Variants in APBA2 observed in about 807,000 individuals in gnomAD.
APBA2 encodes amyloid beta precursor protein binding family A member 2, also known as amyloid-beta A4 precursor protein-binding family A member 2.
A neutral mutation model predicts 75.0 loss-of-function variants in APBA2; 30 were observed. The ratio of observed to expected loss-of-function variants is 0.40; its 90% CI spans 0.30 to 0.54. The LOEUF (loss-of-function observed/expected upper bound fraction) is 0.54. Among genes scored for constraint, APBA2 ranks in the 20% least tolerant of loss-of-function variants. The probability of loss-of-function intolerance (pLI) is 0.49; values close to 1 mark genes in which losing one functional copy is unlikely to be tolerated. For missense variants in APBA2, 801 were observed against 1,016.1 expected, an observed-to-expected ratio of 0.79 and a Z score of 2.88; for synonymous variants, 444 against 409.6, an observed-to-expected ratio of 1.08 and a Z score of -1.01.
At chr15:29,071,171 C>A in intron 4 of APBA2, 1 of 400,450 alleles carries the variant, frequency 2.5e-6, no homozygotes, top group Non-Finnish European at 5.0e-6. Context: ...TCAGTTTCAT[C>A]AAGCAGGCAA....
intron 2 of APBA2, among the ~76,000 whole-genome samples, chr15:28,957,804 A>C (rs930978799): frequency 6.6e-6 from 1 of 152,166 alleles, no homozygotes. Context: ...GCACCTGCAC[A>C]TCAGGCCTCC....
intron 4 of APBA2, among the ~76,000 whole-genome samples, chr15:29,062,237 T>C (rs1264396580): frequency 6.6e-6 from 1 of 152,110 alleles, no homozygotes; most frequent in Non-Finnish European, 1.5e-5. Context: ...GCGTCAGGCC[T>C]AGCACTCCTG....
chr15:29,054,007 T>C lies in APBA2; in HGVS notation c.123T>C (p.Tyr41=). The change falls in exon 4 of 15, where the codon TAT becomes TAC. Residue 41 remains tyrosine, a synonymous_variant. Coordinates refer to ENST00000683413, the MANE Select transcript of APBA2 (RefSeq NM_001353788.2). This position sits in a 1 kb window ranked among gnomAD's most constrained non-coding sequence, Gnocchi z 6.1. The part of the protein sequence containing the change: ...SEDMELPLEG[Y]VPEGLELAAL... ...ACATGGAGCTGCCCTTGGAGGGCTA[T>C]GTGCCCGAGGGCCTGGAGCTGGCTG... is the stretch of plus-strand genomic sequence containing the variant. 2 of 1,613,934 alleles carry C rather than the reference T, an allele frequency of 1.2e-6. No homozygotes were observed. Among genetic ancestry groups the C allele is most frequent in the Non-Finnish European group, 8.5e-7 (1 of 1,180,006 alleles).
intron 6 of APBA2, among the ~76,000 whole-genome samples, chr15:29,087,769 G>A (rs1314099306): frequency 6.6e-6 from 1 of 152,080 alleles, no homozygotes; most frequent in Non-Finnish European, 1.5e-5. Flanking sequence ...GGCACTTCAG[G>A]GGGCAGGCTC....
intron 13 of APBA2, among the ~76,000 whole-genome samples, chr15:29,113,330 A>G (rs907663504): frequency 3.3e-5 from 5 of 151,646 alleles, no homozygotes; most frequent in Admixed American, 2.6e-4. Context: ...ATTTGGCACA[A>G]AATGCCCTTA....
chr15:29,109,191 C>T (rs1298263749), intron 13 of APBA2, among the ~76,000 whole-genome samples: 1 of 152,028 alleles, frequency 6.6e-6, no homozygotes, highest in Non-Finnish European at 1.5e-5. Context: ...GGGTGTGTGC[C>T]CACCCACAGT....
intron 2 of APBA2, among the ~76,000 whole-genome samples, chr15:28,943,945 C>T (rs1349557744): frequency 6.6e-6 from 1 of 152,146 alleles, no homozygotes; most frequent in East Asian, 1.9e-4. Context: ...TACACAGTGC[C>T]CTGCCGTGGC....
chr15:28,903,968 A>T (rs866294186), intron 1 of APBA2, among the ~76,000 whole-genome samples: 3 of 152,210 alleles, frequency 2.0e-5, no homozygotes, highest in Admixed American at 1.3e-4. Flanking sequence ...TGACAAAATT[A>T]GGTTGAACCA....
intron 3 of APBA2, among the ~76,000 whole-genome samples, chr15:29,026,704 G>A (rs1352894235): frequency 1.3e-5 from 2 of 151,834 alleles, no homozygotes; most frequent in Non-Finnish European, 2.9e-5. Context: ...ACGAGGTCAG[G>A]AGATCAAGAC....
In APBA2 at chr15:29,093,220, G is replaced by A. The variant is rs775270742; in HGVS notation, c.1215G>A (p.Lys405=). 1 of 1,614,224 alleles carries A rather than the reference G, an allele frequency of 6.2e-7. No homozygotes were observed. The part of the protein sequence containing the change: ...MQAQEAVSRV[K]RMQKAAKIKK... The stretch of plus-strand genomic sequence containing the variant: ...CGCAGGAGGCCGTCAGCCGGGTCAA[G>A]GTAGAGGTGCTTCGAGGGCCCCTCG... Residue 405 remains lysine (K), a splice_region_variant and synonymous_variant, in exon 7 of 15, where the codon AAG becomes AAA. Coordinates refer to ENST00000683413, the MANE Select transcript of APBA2 (RefSeq NM_001353788.2).
At chr15:28,923,264 C>T (rs896010987) in intron 2 of APBA2, among the ~76,000 whole-genome samples, 9 of 152,274 alleles carry the variant, frequency 5.9e-5, no homozygotes, top group Non-Finnish European at 7.4e-5. Context: ...TTACCACTTC[C>T]AGCTCTTATT....
chr15:29,104,013 C>A (rs547672872), intron 10 of APBA2, among the ~76,000 whole-genome samples: 142 of 152,330 alleles, frequency 9.3e-4, no homozygotes, highest in Non-Finnish European at 1.5e-3. Flanking sequence ...GTCCTGGAAA[C>A]GGCTTAGGGC....
chr15:28,974,001 T>G (rs971311506), intron 2 of APBA2, among the ~76,000 whole-genome samples: 3 of 152,176 alleles, frequency 2.0e-5, no homozygotes, highest in Non-Finnish European at 4.4e-5. Flanking sequence ...AGCAGCCGCA[T>G]CAGTAAATTA....
chr15:28,901,922 G>GTGTGTGTGTGTT (rs1324573071), intron 1 of APBA2, among the ~76,000 whole-genome samples: 1 of 139,350 alleles, frequency 7.2e-6, no homozygotes, highest in African/African-American at 2.7e-5. Context: ...GTGTGTGTGT[G>GTGTGTGTGTGTT]TGTGTGTGTG....
chr15:28,917,406 A>T (rs1211886180), intron 1 of APBA2, among the ~76,000 whole-genome samples: 1 of 152,172 alleles, frequency 6.6e-6, no homozygotes, highest in Admixed American at 6.5e-5. Context: ...AGAATCCTGT[A>T]GCCCCATCTT....
chr15:29,057,224 T>C (rs146359758), intron 4 of APBA2, among the ~76,000 whole-genome samples: 33 of 152,340 alleles, frequency 2.2e-4, no homozygotes, highest in African/African-American at 6.7e-4. Context: ...CCCAGCAGCA[T>C]TGGCATTACT....
chr15:28,953,749 C>T (rs1034754039), intron 2 of APBA2, among the ~76,000 whole-genome samples: 8 of 152,170 alleles, frequency 5.3e-5, no homozygotes, highest in African/African-American at 1.7e-4. Flanking sequence ...GGATTTTCTT[C>T]CTGCTTCACT....
At chr15:28,980,138 T>G (rs1449992519) in intron 2 of APBA2, among the ~76,000 whole-genome samples, 2 of 152,202 alleles carry the variant, frequency 1.3e-5, no homozygotes, top group African/African-American at 4.8e-5. Flanking sequence ...TTTGTCCTGC[T>G]TGTTTTGGGG....
chr15:28,976,309 T>C lies in APBA2; in HGVS notation c.-94-19444T>C, dbSNP rs569216971. On this transcript the variant is annotated intron_variant, in intron 2 of 14. Transcript: ENST00000683413. ...GTTGGCTTTCATTCATCCATTGCAA[T>C]CTTCATCCTTTAATTTCTTTTTGTT... is the stretch of plus-strand genomic sequence containing the variant. Among the ~76,000 whole-genome samples the C allele has an allele frequency of 3.9e-5, 6 of 152,320 alleles. No homozygotes were observed. The East Asian group carries it at 1.2e-3, about 29-fold the overall frequency.
Sources: allele counts gnomAD v4.1 joint callset (sites outside exome capture counted in the v4.1 genomes callset), GRCh38; gene constraint gnomAD v4.1.1; non-coding constraint Gnocchi (gnomAD v3.1); transcripts MANE v1.5; gene names NCBI Gene and HGNC (gene_info 2026-07-23, HGNC 2026-07-21).